TNFSF12: variants seen among roughly 807,000 people sequenced by gnomAD.
TNFSF12 encodes the protein tumor necrosis factor ligand superfamily member 12.
A neutral mutation model predicts 31.2 loss-of-function variants in TNFSF12; 16 were observed. That is an observed-to-expected ratio of 0.51 (90% confidence interval 0.35 to 0.78). The LOEUF (loss-of-function observed/expected upper bound fraction) is 0.78, where lower values mean the gene tolerates loss of function less well. Ranked by LOEUF, TNFSF12 falls within the 30% of genes least tolerant of loss-of-function variation. The pLI, the probability that TNFSF12 is intolerant of heterozygous loss-of-function variation, is 0.01. For synonymous variants in TNFSF12, 150 were observed against 151.4 expected (o/e 0.99, Z 0.07); for missense variants, 324 against 338.8 (o/e 0.96, Z 0.34).
Position 7,557,356 on chromosome 17 carries a change from C to T in TNFSF12, c.*6C>T, listed in dbSNP as rs1392792307. On this transcript the variant is annotated 3_prime_UTR_variant, in exon 7 of 7. Transcript: ENST00000293825. The surrounding 1 kb of genome is among the most constrained non-coding windows in gnomAD (Gnocchi z 5.2). ...GACTCTTCCAGGTTCACTGAGGGGC[C>T]CTGGTCTCCCCGCAGTCGTCCCAGG... is the stretch of plus-strand genomic sequence containing the variant. 1.0e-5 allele frequency: 16 copies of T among 1,581,026 alleles called. No individual in the cohort carries two copies. The highest frequency in any genetic ancestry group is 1.3e-5 in the Non-Finnish European group (15 of 1,159,292).
rs766139392 is a variant in TNFSF12 at position 7,557,294 on chromosome 17, G to A, written c.694G>A (p.Ala232Thr). 1 of 1,613,440 alleles carries A rather than the reference G, an allele frequency of 6.2e-7. No individual in the cohort carries two copies. The highest frequency in any genetic ancestry group is 1.1e-5 in the South Asian group (1 of 91,022). The change falls in exon 7 of 7, where the codon GCC (alanine) becomes ACC (threonine). Residue 232 changes from alanine (A) to threonine (T), a missense_variant. Ala to Thr is a moderately conservative substitution (Grantham distance 58). Transcript: ENST00000293825. This position sits in a 1 kb window ranked among gnomAD's most constrained non-coding sequence, Gnocchi z 5.2. Reference sequence around the variant, plus strand: ...CCTGCGGATCCGCACCCTCCCCTGGGCCCATCTCAAGGCTGCCCCCTTCCT... The same window carrying A: ...CCTGCGGATCCGCACCCTCCCCTGGACCCATCTCAAGGCTGCCCCCTTCCT... ...SSLRIRTLPWAHLKAAPFLTY... is the reference protein window; with the variant it reads ...SSLRIRTLPWTHLKAAPFLTY...
At position 7,550,696 on chromosome 17, in the gene TNFSF12, A is replaced by G; in HGVS notation, c.284-103A>G. On this transcript the variant is annotated intron_variant, in intron 3 of 6. Transcript: ENST00000293825. This position sits in a 1 kb window ranked among gnomAD's most constrained non-coding sequence, Gnocchi z 4.4. ...TTCTAAGGCCAGGAGTCTGGACAAG[A>G]ATAAGGATGCCAGGGTTCCTGAGAG... The G allele has an allele frequency of 6.6e-7, 1 of 1,515,152 alleles. No individual in the cohort carries two copies. The highest frequency in any genetic ancestry group is 1.2e-5 in the South Asian group (1 of 80,828). 93.9% of individuals were successfully genotyped at this position (1,515,152 alleles called of 1,614,324 possible). A position where few individuals can be genotyped will look rare whatever the true frequency, so the allele number is the denominator to read the frequency against.
Position 7,550,896 on chromosome 17 carries a change from G to T in TNFSF12, c.337+44G>T, listed in dbSNP as rs1342190470. On this transcript the variant is annotated intron_variant, in intron 4 of 6. Coordinates refer to ENST00000293825, the MANE Select transcript of TNFSF12 (RefSeq NM_003809.3). This position sits in a 1 kb window ranked among gnomAD's most constrained non-coding sequence, Gnocchi z 4.4. ...ATACCCAGGAGGAGAGGGGCAGGTGGCAGAGGGTCAGGGCAGGTCTCACCA... is the reference window on the plus strand; with the variant it reads ...ATACCCAGGAGGAGAGGGGCAGGTGTCAGAGGGTCAGGGCAGGTCTCACCA... 1 of 1,613,958 alleles carries T rather than the reference G, an allele frequency of 6.2e-7. No individual in the cohort carries two copies. Among genetic ancestry groups the T allele is most frequent in the East Asian group, 2.2e-5 (1 of 44,874 alleles).
chr17:7,557,716 T>C lies in TNFSF12; in HGVS notation c.*366T>C, dbSNP rs112438437. On this transcript the variant is annotated 3_prime_UTR_variant, in exon 7 of 7. Transcript: ENST00000293825. This position sits in a 1 kb window ranked among gnomAD's most constrained non-coding sequence, Gnocchi z 5.2. ...TTCAGGCACTAAGAGGGGCTGGACC[T>C]GGCGGCAGGAAGCCAAAGAGACTGG... 2.0e-5 allele frequency: 4 copies of C among 202,024 alleles called. No individual in the cohort carries two copies. Among genetic ancestry groups the C allele is most frequent in the Admixed American group, 1.1e-4 (2 of 17,436 alleles). 12.5% of individuals were successfully genotyped at this position (202,024 alleles called of 1,614,324 possible).
Position 7,557,083 on chromosome 17 carries a change from G to C in TNFSF12, c.499-16G>C. The C allele has an allele frequency of 6.2e-7, 1 of 1,602,936 alleles. No homozygotes were observed. The highest frequency in any genetic ancestry group is 1.1e-5 in the South Asian group (1 of 90,428). ...GCAGGCAGAGGCCTGGACTCGGCCT[G>C]TTGTCCCCACCCCAGGTGCACTTTG... On this transcript the variant is annotated splice_polypyrimidine_tract_variant and intron_variant, in intron 6 of 6. Coordinates refer to ENST00000293825, the MANE Select transcript of TNFSF12 (RefSeq NM_003809.3). The surrounding 1 kb of genome is among the most constrained non-coding windows in gnomAD (Gnocchi z 5.2).
chr17:7,549,419 G>C lies in TNFSF12; in HGVS notation c.160-55G>C. 1.4e-6 allele frequency: 2 copies of C among 1,448,418 alleles called. No individual in the cohort carries two copies. Among genetic ancestry groups the C allele is most frequent in the Non-Finnish European group, 1.8e-6 (2 of 1,086,474 alleles). The allele number at this position is 1,448,418 out of a possible 1,614,324, so 89.7% of individuals were successfully genotyped here. A position where few individuals can be genotyped will look rare whatever the true frequency, so the allele number is the denominator to read the frequency against. On this transcript the variant is annotated intron_variant, in intron 1 of 6. Transcript: ENST00000293825. The surrounding 1 kb of genome is among the most constrained non-coding windows in gnomAD (Gnocchi z 4.1). ...AGGCAAGGGGAAGGGAGGATGGGTG[G>C]AGGGTGAGATGTCAGGTGGAGCGGC...
intron 5 of TNFSF12, among the ~76,000 whole-genome samples, chr17:7,552,024 G>T (rs567915428): frequency 1.3e-5 from 2 of 152,254 alleles, no homozygotes; most frequent in South Asian, 4.1e-4. Context: ...GACCTCCAGT[G>T]ATCTGCCCGC....
rs775795633 is a variant in TNFSF12, at chr17:7,557,168, C to T, written c.568C>T (p.Arg190Cys). 1.2e-6 allele frequency: 2 copies of T among 1,612,476 alleles called. No individual in the cohort carries two copies. The highest frequency in any genetic ancestry group is 1.7e-6 in the Non-Finnish European group (2 of 1,178,886). Residue 190 changes from arginine (R) to cysteine (C), a missense_variant, in exon 7 of 7, where the codon CGC becomes TGC. Transcript: ENST00000293825. This position sits in a 1 kb window ranked among gnomAD's most constrained non-coding sequence, Gnocchi z 5.2. ...DLLVDGVLAL[R>C]CLEEFSATAA... ...GCTGGTGGATGGTGTGCTGGCCCTG[C>T]GCTGCCTGGAGGAATTCTCAGCCAC... is the stretch of plus-strand genomic sequence containing the variant.
At chr17:7,553,673 G>C in intron 5 of TNFSF12, 1 of 1,303,856 alleles carries the variant, frequency 7.7e-7, no homozygotes, top group South Asian at 1.2e-5. Flanking sequence ...CCTGTGTACT[G>C]GACATGGTCT....
At chr17:7,556,654 G>A (rs1232170929) in intron 5 of TNFSF12, 124 bp from the exon 6 acceptor site, 4 of 1,327,562 alleles carry the variant, frequency 3.0e-6, no homozygotes, top group Admixed American at 3.0e-5. Context: ...TCCCTTGCCC[G>A]GGGTGATCTA....
chr17:7,552,220 G>A (rs1237590458), intron 5 of TNFSF12, among the ~76,000 whole-genome samples: 1 of 152,106 alleles, frequency 6.6e-6, no homozygotes, highest in East Asian at 1.9e-4. Flanking sequence ...ATAAACAAGC[G>A]GATAAATGAC....
Position 7,550,865 on chromosome 17 carries a change from T to G in TNFSF12, c.337+13T>G. ...GCCCATTATGAAGGTGGGTGATGGG[T>G]GAGCCATACCCAGGAGGAGAGGGGC... On this transcript the variant is annotated intron_variant, in intron 4 of 6. Transcript: ENST00000293825. This position sits in a 1 kb window ranked among gnomAD's most constrained non-coding sequence, Gnocchi z 4.4. 2 of 1,613,458 alleles carry G rather than the reference T, an allele frequency of 1.2e-6. No individual in the cohort carries two copies. The highest frequency in any genetic ancestry group is 1.7e-6 in the Non-Finnish European group (2 of 1,179,530).
rs1363429844 is a variant in TNFSF12 at position 7,557,257 on chromosome 17, G to T, written c.657G>T (p.Arg219=). The T allele has an allele frequency of 1.2e-6, 2 of 1,613,764 alleles. No homozygotes were observed. The highest frequency in any genetic ancestry group is 1.7e-6 in the Non-Finnish European group (2 of 1,179,988). ...AGGTGTCTGGGCTGTTGGCCCTGCG[G>T]CCAGGGTCCTCCCTGCGGATCCGCA... is the stretch of plus-strand genomic sequence containing the variant. ...LCQVSGLLAL[R]PGSSLRIRTL... The change falls in exon 7 of 7, where the codon CGG becomes CGT. Residue 219 remains arginine (R), a synonymous_variant. Coordinates refer to ENST00000293825, the MANE Select transcript of TNFSF12 (RefSeq NM_003809.3). This position sits in a 1 kb window ranked among gnomAD's most constrained non-coding sequence, Gnocchi z 5.2.
At chr17:7,552,592 G>T (rs986188042) in intron 5 of TNFSF12, among the ~76,000 whole-genome samples, 2 of 152,106 alleles carry the variant, frequency 1.3e-5, no homozygotes, top group African/African-American at 4.8e-5. Flanking sequence ...GCCTCCCAAA[G>T]TGCTGGGATT....
In TNFSF12 at chr17:7,549,639, A is replaced by T; in HGVS notation, c.207+118A>T. 1 of 1,382,240 alleles carries T rather than the reference A, an allele frequency of 7.2e-7. No homozygotes were observed. Among genetic ancestry groups the T allele is most frequent in the East Asian group, 2.6e-5 (1 of 38,984 alleles). The allele number at this position is 1,382,240 out of a possible 1,614,324, so 85.6% of individuals were successfully genotyped here. A position where few individuals can be genotyped will look rare whatever the true frequency, so the allele number is the denominator to read the frequency against. On this transcript the variant is annotated intron_variant, in intron 2 of 6. Coordinates refer to ENST00000293825, the MANE Select transcript of TNFSF12 (RefSeq NM_003809.3). The surrounding 1 kb of genome is among the most constrained non-coding windows in gnomAD (Gnocchi z 4.1). ...TCGAGGTGTGTGCAGGGTGTGTGTGAACACAGTGCGTGCATGGGTGCGTGT... is the reference window on the plus strand; with the variant it reads ...TCGAGGTGTGTGCAGGGTGTGTGTGTACACAGTGCGTGCATGGGTGCGTGT...
At position 7,552,033 on chromosome 17, in the gene TNFSF12, G is replaced by A. The variant is rs971016689; in HGVS notation, c.373+1055G>A. Among the ~76,000 whole-genome samples the A allele has an allele frequency of 2.6e-5, 4 of 152,106 alleles. No individual in the cohort carries two copies. In the South Asian group the frequency reaches 6.2e-4, roughly 24 times the overall value. On this transcript the variant is annotated intron_variant, in intron 5 of 6. Coordinates refer to ENST00000293825, the MANE Select transcript of TNFSF12 (RefSeq NM_003809.3). ...ACTCTTGACCTCCAGTGATCTGCCC[G>A]CCTCGGCCTACCAAAGTGCTGGGAT...
chr17:7,549,200 CG>C lies in TNFSF12; in HGVS notation c.50del (p.Gly17AlafsTer55). 7.6e-7 allele frequency: 1 copy of C among 1,315,610 alleles called. No individual in the cohort carries two copies. Among genetic ancestry groups the C allele is most frequent in the Non-Finnish European group, 9.6e-7 (1 of 1,036,470 alleles). 81.5% of individuals were successfully genotyped at this position (1,315,610 alleles called of 1,614,324 possible). A position where few individuals can be genotyped will look rare whatever the true frequency, so the allele number is the denominator to read the frequency against. On this transcript the variant is annotated frameshift_variant, in exon 1 of 7. Coordinates refer to ENST00000293825, the MANE Select transcript of TNFSF12 (RefSeq NM_003809.3). LOFTEE classifies it high-confidence loss of function. This position sits in a 1 kb window ranked among gnomAD's most constrained non-coding sequence, Gnocchi z 4.1. Reference protein sequence around the residue: ...SQRRRGRRGEPGTALLVPLAL... With the variant: ...SQRRRGRRGEXGTALLVPLAL... ...AGGCGGAGGGGGCGCCGGGGGGAGC[CG>C]GGCACCGCCCTGCTGGTCCCGCTCG... is the stretch of plus-strand genomic sequence containing the variant.
Position 7,556,316 on chromosome 17 carries a change from T to G in TNFSF12, c.374-462T>G, listed in dbSNP as rs568947879. On this transcript the variant is annotated intron_variant, in intron 5 of 6. Coordinates refer to ENST00000293825, the MANE Select transcript of TNFSF12 (RefSeq NM_003809.3). ...TTTTCAAGGCACATCTGTGCCATAG[T>G]GTGTATCAGTACTTCACTCTTTTTA... is the stretch of plus-strand genomic sequence containing the variant. Among the ~76,000 whole-genome samples the G allele has an allele frequency of 9.2e-5, 14 of 152,340 alleles. No homozygotes were observed. In the East Asian group the frequency reaches 1.2e-3, roughly 13 times the overall value.
chr17:7,549,827 CTG>C lies in TNFSF12; in HGVS notation c.208-290_208-289del, dbSNP rs1244286220. On this transcript the variant is annotated intron_variant, in intron 2 of 6. Coordinates refer to ENST00000293825, the MANE Select transcript of TNFSF12 (RefSeq NM_003809.3). This position sits in a 1 kb window ranked among gnomAD's most constrained non-coding sequence, Gnocchi z 4.1. ...CGGTTGTGTACAGGGTGTGTATCCT[CTG>C]TGCGTGGTGACTGGGTGCGGGCATG... 8.3e-6 allele frequency: 5 copies of C among 604,720 alleles called. No individual in the cohort carries two copies. The highest frequency in any genetic ancestry group is 1.5e-5 in the Non-Finnish European group (5 of 344,486). 37.5% of individuals were successfully genotyped at this position (604,720 alleles called of 1,614,324 possible). A position where few individuals can be genotyped will look rare whatever the true frequency, so the allele number is the denominator to read the frequency against.
Sources: gnomAD v4.1 joint callset for allele counts (sites outside exome capture counted in the v4.1 genomes callset) on GRCh38, gnomAD v4.1.1 for gene constraint, Gnocchi (gnomAD v3.1) non-coding constraint, MANE v1.5 for transcripts, NCBI Gene and HGNC (gene_info 2026-07-23, HGNC 2026-07-21) for gene names.